Variants in RASA3 observed in about 807,000 individuals in gnomAD.
RASA3 encodes ras GTPase-activating protein 3.
RASA3 carries 73 observed loss-of-function variants against 110.0 expected under a neutral mutation model. The ratio of observed to expected loss-of-function variants is 0.66; its 90% confidence interval spans 0.55 to 0.81. The LOEUF is 0.81. Among genes scored for constraint, RASA3 ranks in the 30% least tolerant of loss-of-function variants. The probability of loss-of-function intolerance (pLI) is 0.00; values close to 1 mark genes in which losing one functional copy is unlikely to be tolerated. For synonymous variants in RASA3, 500 were observed against 451.4 expected (o/e 1.11, Z -1.37); for missense variants, 976 against 1,113.2 (o/e 0.88, Z 1.75).
rs1175469154 is a variant in RASA3 at position 114,013,169 on chromosome 13, G to A, written c.1485C>T (p.Asn495=). The A allele has an allele frequency of 1.1e-5, 17 of 1,613,466 alleles. No homozygotes were observed. The highest frequency in any genetic ancestry group is 1.7e-5 in the Admixed American group (1 of 59,962). ...RFFAPAILSP[N]LFQLTPHHTD... ...TGTGGTGCGGCGTGAGCTGGAAGAG[G>A]TTGGGGGAGAGAATGGCGGGCGCAA... Residue 495 remains asparagine (N), a synonymous_variant, in exon 15 of 24, where the codon AAC becomes AAT. Coordinates refer to ENST00000334062, the MANE Select transcript of RASA3 (RefSeq NM_007368.4).
intron 1 of RASA3, among the ~76,000 whole-genome samples, chr13:114,129,119 G>A (rs754577913): frequency 1.3e-5 from 2 of 152,242 alleles, no homozygotes; most frequent in African/African-American, 2.4e-5. Context: ...TGGCCGTGGC[G>A]GAAGTGCCCT....
intron 1 of RASA3, among the ~76,000 whole-genome samples, chr13:114,127,126 C>T (rs530068082): frequency 9.8e-5 from 15 of 152,396 alleles, no homozygotes; most frequent in African/African-American, 3.6e-4. Context: ...CACGGTGCCA[C>T]AGCCTCAGGG....
In RASA3 at chr13:114,027,861, C is replaced by T. The variant is rs2054056702; in HGVS notation, c.516G>A (p.Leu172=). 6.2e-7 allele frequency: 1 copy of T among 1,613,862 alleles called. No homozygotes were observed. Reference sequence around the variant, plus strand: ...AGGCAACTTGCCTGAAGGGTCCTGCCAGCGTCACGGTGGCGTAGGGGTCAC... The same window carrying T: ...AGGCAACTTGCCTGAAGGGTCCTGCTAGCGTCACGGTGGCGTAGGGGTCAC... ...GQCDPYATVT[L]AGPFRSEAKK... The change falls in exon 6 of 24, where the codon CTG becomes CTA. Residue 172 remains leucine, a synonymous_variant. Coordinates refer to ENST00000334062, the MANE Select transcript of RASA3 (RefSeq NM_007368.4).
intron 22 of RASA3, among the ~76,000 whole-genome samples, chr13:113,990,969 AC>A (rs1381462905): frequency 6.6e-6 from 1 of 151,656 alleles, no homozygotes; most frequent in Non-Finnish European, 1.5e-5. Flanking sequence ...GGCCAAGCTC[AC>A]AGATGGGCAG....
intron 1 of RASA3, among the ~76,000 whole-genome samples, chr13:114,075,568 G>A (rs71437268): frequency 1.4e-3 from 77 of 56,370 alleles, no homozygotes; most frequent in African/African-American, 4.0e-3. Flanking sequence ...CCGTGTCCGC[G>A]CCGCGTATCT....
chr13:114,107,428 T>G (rs2080149559), intron 1 of RASA3: 1 of 152,612 alleles, frequency 6.6e-6, no homozygotes, highest in Non-Finnish European at 1.5e-5. Context: ...GGTCTGCTTC[T>G]GAACAGCTGC....
chr13:114,040,263 C>T (rs367978962), intron 4 of RASA3, among the ~76,000 whole-genome samples: 8 of 151,918 alleles, frequency 5.3e-5, no homozygotes, highest in East Asian at 3.9e-4. Flanking sequence ...CGACCACAAG[C>T]GGGTGAACAC....
At chr13:114,120,917 A>G (rs1369128545) in intron 1 of RASA3, among the ~76,000 whole-genome samples, 1 of 152,188 alleles carries the variant, frequency 6.6e-6, no homozygotes, top group Admixed American at 6.5e-5. Flanking sequence ...CCAGAGTAAC[A>G]TCTGTCTCAT....
chr13:113,996,050 G>GGGGGGCCCGGCTGATA (rs2053247453), intron 21 of RASA3, among the ~76,000 whole-genome samples: 1 of 62,154 alleles, frequency 1.6e-5, no homozygotes, highest in African/African-American at 9.0e-5. Flanking sequence ...CCGGCTGATG[G>GGGGGGCCCGGCTGATA]GGGGGCCCGG....
intron 23 of RASA3, among the ~76,000 whole-genome samples, chr13:113,980,183 TCCC>T (rs1594267990): frequency 7.1e-6 from 1 of 140,536 alleles, no homozygotes; most frequent in African/African-American, 2.8e-5. Flanking sequence ...GTGCACCTCC[TCCC>T]ACGTGTGTGC....
At chr13:114,063,482 T>C (rs2079396834) in intron 2 of RASA3, among the ~76,000 whole-genome samples, 2 of 151,992 alleles carry the variant, frequency 1.3e-5, no homozygotes, top group Admixed American at 6.6e-5. Context: ...AAGATACGAA[T>C]GGAAATACGG....
intron 1 of RASA3, among the ~76,000 whole-genome samples, chr13:114,080,191 C>T (rs1044194643): frequency 2.6e-5 from 4 of 152,168 alleles, no homozygotes; most frequent in African/African-American, 9.7e-5. Context: ...GCACCATGCT[C>T]CTCCCTCAAG....
intron 3 of RASA3, among the ~76,000 whole-genome samples, chr13:114,043,670 G>A (rs758360580): frequency 6.6e-6 from 1 of 152,078 alleles, no homozygotes; most frequent in Non-Finnish European, 1.5e-5. Flanking sequence ...CAAGGGGGCC[G>A]GCACAGGAAA....
At chr13:114,030,102 C>A (rs2054118951) in intron 4 of RASA3, among the ~76,000 whole-genome samples, 1 of 152,242 alleles carries the variant, frequency 6.6e-6, no homozygotes, top group Non-Finnish European at 1.5e-5. Flanking sequence ...ACTGCTCAGC[C>A]CCATGTGGCT....
intron 13 of RASA3, among the ~76,000 whole-genome samples, chr13:114,015,572 G>A (rs779342706): frequency 2.6e-5 from 4 of 152,254 alleles, no homozygotes; most frequent in African/African-American, 7.2e-5. Context: ...CCCCGACCTC[G>A]TTTACTGAGT....
At chr13:114,064,802 C>T (rs930998564) in intron 2 of RASA3, among the ~76,000 whole-genome samples, 15 of 152,222 alleles carry the variant, frequency 9.9e-5, no homozygotes, top group African/African-American at 3.4e-4. Context: ...CAGTCAGATG[C>T]GGGATGAATG....
intron 1 of RASA3, among the ~76,000 whole-genome samples, chr13:114,092,066 T>C: frequency 6.6e-6 from 1 of 152,140 alleles, no homozygotes; most frequent in East Asian, 1.9e-4. Flanking sequence ...TCTTATCTTT[T>C]TTTTTTCTTA....
chr13:114,070,656 T>A (rs9562221), intron 2 of RASA3, among the ~76,000 whole-genome samples: 39 of 76,632 alleles, frequency 5.1e-4, no homozygotes, highest in African/African-American at 2.0e-3. Context: ...GCTAAACGGC[T>A]CCACAGTCTT....
intron 1 of RASA3, among the ~76,000 whole-genome samples, chr13:114,127,209 T>G (rs1232455457): frequency 6.6e-6 from 1 of 152,250 alleles, no homozygotes; most frequent in African/African-American, 2.4e-5. Context: ...TTTGCTTCCA[T>G]TAGCTCCAAA....
Sources: gnomAD v4.1 joint callset for allele counts (sites outside exome capture counted in the v4.1 genomes callset) on GRCh38, gnomAD v4.1.1 for gene constraint, MANE v1.5 for transcripts, NCBI Gene and HGNC (gene_info 2026-07-23, HGNC 2026-07-21) for gene names.